CELF2: variants seen among roughly 807,000 people sequenced by gnomAD.
CELF2 encodes the protein CUGBP Elav-like family member 2.
A neutral mutation model predicts 62.6 loss-of-function variants in CELF2; 8 were observed. That is an observed-to-expected ratio of 0.13 (90% CI 0.07 to 0.23). The LOEUF (loss-of-function observed/expected upper bound fraction) is 0.23, where lower values mean the gene tolerates loss of function less well. Ranked by LOEUF, CELF2 falls within the 10% of genes least tolerant of loss-of-function variation. The probability of loss-of-function intolerance (pLI) is 1.00; values close to 1 mark genes in which losing one functional copy is unlikely to be tolerated. For synonymous variants in CELF2, 258 were observed against 250.0 expected (o/e 1.03, Z -0.30); for missense variants, 333 against 671.0 (o/e 0.50, Z 5.56).
intron 2 of CELF2, among the ~76,000 whole-genome samples, chr10:10,925,433 A>G (rs1341869967): frequency 1.3e-5 from 2 of 151,956 alleles, no homozygotes; most frequent in East Asian, 3.9e-4. Context: ...AGCTTGGCAT[A>G]CACTTAGTGC....
intron 10 of CELF2, chr10:11,320,970 C>G: frequency 1.3e-6 from 2 of 1,513,664 alleles, no homozygotes; most frequent in Non-Finnish European, 1.8e-6. Flanking sequence ...ATTTGAATCA[C>G]TGGCCTAGGG....
chr10:10,774,681 A>G, the CELF2 span, among the ~76,000 whole-genome samples: 1 of 152,138 alleles, frequency 6.6e-6, no homozygotes, highest in African/African-American at 2.4e-5. Flanking sequence ...AGCCTGAGCC[A>G]ATTAAACCTC....
In CELF2 at chr10:11,305,759, C is replaced by T. The variant is rs1218084009; in HGVS notation, c.977-8380C>T. Among the ~76,000 whole-genome samples the T allele has an allele frequency of 1.3e-5, 2 of 152,214 alleles. No homozygotes were observed. Among genetic ancestry groups the T allele is most frequent in the African/African-American group, 2.4e-5 (1 of 41,460 alleles). On this transcript the variant is annotated intron_variant, in intron 9 of 12. Transcript: ENST00000633077. The surrounding 1 kb of genome is among the most constrained non-coding windows in gnomAD (Gnocchi z 4.8). ...TAAGGAGAAGGAACCCATCCCGTCC[C>T]CTCAGTTGGGATTAGTGTTTGGGAT... is the stretch of plus-strand genomic sequence containing the variant.
At chr10:11,304,515 T>C (rs750686234) in intron 9 of CELF2, among the ~76,000 whole-genome samples, 18 of 152,194 alleles carry the variant, frequency 1.2e-4, no homozygotes, top group African/African-American at 3.6e-4. Flanking sequence ...GAGGGCCTTC[T>C]TGCTGGTGGG....
At chr10:10,878,038 C>T (rs1160459616) in intron 1 of CELF2, among the ~76,000 whole-genome samples, 1 of 152,156 alleles carries the variant, frequency 6.6e-6, no homozygotes, top group African/African-American at 2.4e-5. Flanking sequence ...ACGGAGGGGA[C>T]CAGTGGACCT....
At chr10:10,917,178 C>T (rs570473819) in intron 1 of CELF2, among the ~76,000 whole-genome samples, 45 of 152,126 alleles carry the variant, frequency 3.0e-4, no homozygotes, top group African/African-American at 3.9e-4. Flanking sequence ...TCTTGGTAAG[C>T]GTGGAGACTT....
the CELF2 span, among the ~76,000 whole-genome samples, chr10:10,678,508 G>A: frequency 6.6e-6 from 1 of 152,110 alleles, no homozygotes; most frequent in Non-Finnish European, 1.5e-5. Context: ...ACATAAACAT[G>A]GTTGACCATC....
At position 11,217,755 on chromosome 10, in the gene CELF2, C is replaced by T. The variant is rs1009479864; in HGVS notation, c.354+248C>T. 2.6e-5 allele frequency among the ~76,000 whole-genome samples: 4 copies of T among 152,142 alleles called. No individual in the cohort carries two copies. Among genetic ancestry groups the T allele is most frequent in the Non-Finnish European group, 5.9e-5 (4 of 68,018 alleles). ...TGGTTAGAAAATCAGAGTGACCCCACTGGGCAGCCACGGCTGCCAAAGAGT... is the reference window on the plus strand; with the variant it reads ...TGGTTAGAAAATCAGAGTGACCCCATTGGGCAGCCACGGCTGCCAAAGAGT... On this transcript the variant is annotated intron_variant, in intron 3 of 12. Coordinates refer to ENST00000633077, the MANE Select transcript of CELF2 (RefSeq NM_001326342.2). The surrounding 1 kb of genome is among the most constrained non-coding windows in gnomAD (Gnocchi z 5.6).
At chr10:10,873,478 G>A (rs78252312) in intron 1 of CELF2, among the ~76,000 whole-genome samples, 3,458 of 152,242 alleles carry the variant, frequency 0.023, 143 homozygotes, top group African/African-American at 0.079. Context: ...ATCCCAAAGA[G>A]CCTTCTGAGT....
chr10:11,243,409 C>A lies in CELF2; in HGVS notation c.355-5744C>A. On this transcript the variant is annotated intron_variant, in intron 3 of 12. Transcript: ENST00000633077. This position sits in a 1 kb window ranked among gnomAD's most constrained non-coding sequence, Gnocchi z 4.1. ...AAAATTCATGTACCATCAAGGAAAT[C>A]TTCACATGAATGGGTTTAGAAGCCT... is the stretch of plus-strand genomic sequence containing the variant. Among the ~76,000 whole-genome samples, 1 of 149,484 alleles carries A rather than the reference C, an allele frequency of 6.7e-6. No homozygotes were observed.
intron 1 of CELF2, among the ~76,000 whole-genome samples, chr10:11,033,556 C>T (rs1322168182): frequency 6.6e-6 from 1 of 152,202 alleles, no homozygotes; most frequent in African/African-American, 2.4e-5. Flanking sequence ...CATGCCTGGC[C>T]TCAGGGCACA....
At chr10:11,152,748 CATCAAACTTACATAACTCT>C (rs1166312368) in intron 1 of CELF2, among the ~76,000 whole-genome samples, 1 of 152,200 alleles carries the variant, frequency 6.6e-6, no homozygotes, top group Non-Finnish European at 1.5e-5. Context: ...CTTCAGAATG[CATCAAACTTACATAACTCT>C]TGTCACAGTT....
At chr10:10,982,008 T>C (rs2052188657) in intron 2 of CELF2, among the ~76,000 whole-genome samples, 1 of 145,092 alleles carries the variant, frequency 6.9e-6, no homozygotes, top group South Asian at 2.2e-4. Context: ...CAGGCTGGAG[T>C]GCAATGGCAT....
At chr10:11,286,834 A>T (rs2091440177) in intron 8 of CELF2, among the ~76,000 whole-genome samples, 1 of 152,222 alleles carries the variant, frequency 6.6e-6, no homozygotes, top group Admixed American at 6.5e-5. Flanking sequence ...TGAAATAAGT[A>T]GGTTTTGAAA....
At chr10:10,742,092 T>C in the CELF2 span, among the ~76,000 whole-genome samples, 3 of 152,212 alleles carry the variant, frequency 2.0e-5, no homozygotes, top group Non-Finnish European at 4.4e-5. Flanking sequence ...CCTGAACAAT[T>C]TCCTCATTTA....
the CELF2 span, among the ~76,000 whole-genome samples, chr10:10,643,390 C>A: frequency 6.6e-6 from 1 of 152,016 alleles, no homozygotes; most frequent in East Asian, 1.9e-4. Context: ...AGCGCAGTTC[C>A]CCTGCACATG....
chr10:10,973,007 C>T (rs1035865121), intron 2 of CELF2, among the ~76,000 whole-genome samples: 22 of 152,076 alleles, frequency 1.4e-4, no homozygotes, highest in South Asian at 6.2e-4. Flanking sequence ...AAGCAGAAGG[C>T]AGCCGGGCAC....
the CELF2 span, among the ~76,000 whole-genome samples, chr10:10,752,937 C>T: frequency 6.6e-6 from 1 of 152,022 alleles, no homozygotes; most frequent in African/African-American, 2.4e-5. Context: ...ATATTGCACA[C>T]GTTTACATAT....
chr10:10,968,247 T>C (rs1179923729), intron 2 of CELF2, among the ~76,000 whole-genome samples: 1 of 152,156 alleles, frequency 6.6e-6, no homozygotes, highest in Non-Finnish European at 1.5e-5. Context: ...GCCAAAATGT[T>C]TATTGTTTTG....
Sources: allele counts gnomAD v4.1 joint callset (sites outside exome capture counted in the v4.1 genomes callset), GRCh38; gene constraint gnomAD v4.1.1; non-coding constraint Gnocchi (gnomAD v3.1); transcripts MANE v1.5; gene names NCBI Gene and HGNC (gene_info 2026-07-23, HGNC 2026-07-21).